TRIP12: variants seen among roughly 807,000 people sequenced by gnomAD.
TRIP12 encodes the protein E3 ubiquitin-protein ligase TRIP12.
Under a neutral mutation model 244.2 loss-of-function variants are expected in TRIP12, and 25 were observed. The observed-to-expected ratio is 0.10, with a 90% CI of 0.07 to 0.14. TRIP12 has a LOEUF of 0.14. TRIP12 is among the 10% of genes least tolerant of loss of function. The pLI, the probability that TRIP12 is intolerant of heterozygous loss-of-function variation, is 1.00. For missense variants in TRIP12, 1,677 were observed against 2,486.4 expected (o/e 0.67, Z 6.92); for synonymous variants, 905 against 873.1 (o/e 1.04, Z -0.64).
chr2:229,803,314 A>C (rs1160392379), intron 20 of TRIP12, among the ~76,000 whole-genome samples: 1 of 152,308 alleles, frequency 6.6e-6, no homozygotes, highest in East Asian at 1.9e-4. Context: ...GGGTTTCACC[A>C]TGTTGGCCAG....
chr2:229,910,772 T>C (rs1228100970), intron 1 of TRIP12, among the ~76,000 whole-genome samples: 10 of 152,080 alleles, frequency 6.6e-5, no homozygotes, highest in Admixed American at 5.9e-4. Flanking sequence ...GGATGAAGAG[T>C]AGAGTAAAAA....
chr2:229,915,097 C>CA (rs2075120008), intron 1 of TRIP12, among the ~76,000 whole-genome samples: 1 of 151,948 alleles, frequency 6.6e-6, no homozygotes, highest in African/African-American at 2.4e-5. Flanking sequence ...ACTAAAAATA[C>CA]AAAAAATTAG....
intron 8 of TRIP12, among the ~76,000 whole-genome samples, chr2:229,828,317 T>C (rs2052312432): frequency 6.6e-6 from 1 of 151,380 alleles, no homozygotes. Flanking sequence ...TCAATACCCT[T>C]AGGGACCCCC....
At chr2:229,906,097 G>C (rs1015772436) in intron 1 of TRIP12, among the ~76,000 whole-genome samples, 1 of 152,214 alleles carries the variant, frequency 6.6e-6, no homozygotes, top group East Asian at 1.9e-4. Flanking sequence ...CTGAGGTCAG[G>C]AGTTTGAAAC....
intron 1 of TRIP12, among the ~76,000 whole-genome samples, chr2:229,904,587 G>A (rs879429722): frequency 5.3e-5 from 8 of 152,022 alleles, no homozygotes; most frequent in Admixed American, 3.9e-4. Flanking sequence ...TTAAAACAGA[G>A]GCTAGAAGGA....
intron 4 of TRIP12, among the ~76,000 whole-genome samples, chr2:229,858,221 A>G (rs2059932040): frequency 6.6e-6 from 1 of 152,080 alleles, no homozygotes; most frequent in Non-Finnish European, 1.5e-5. Context: ...AAAATTACCC[A>G]GGCATGGTGT....
intron 33 of TRIP12, among the ~76,000 whole-genome samples, chr2:229,786,509 T>C (rs2040067699): frequency 6.6e-6 from 1 of 151,184 alleles, no homozygotes; most frequent in African/African-American, 2.4e-5. Context: ...GTGATTCTCT[T>C]GCCTCAGCCT....
intron 1 of TRIP12, among the ~76,000 whole-genome samples, chr2:229,909,216 G>C (rs973569476): frequency 1.3e-5 from 2 of 152,024 alleles, no homozygotes; most frequent in Non-Finnish European, 2.9e-5. Context: ...TCTTGGCCTA[G>C]GGCCTGAAAT....
At chr2:229,869,167 T>C (rs1296080279) in intron 2 of TRIP12, among the ~76,000 whole-genome samples, 1 of 152,208 alleles carries the variant, frequency 6.6e-6, no homozygotes, top group Non-Finnish European at 1.5e-5. Flanking sequence ...TAGTATTATC[T>C]AACCCACCTT....
At chr2:229,838,934 G>C (rs1221659540) in intron 5 of TRIP12, among the ~76,000 whole-genome samples, 2 of 152,172 alleles carry the variant, frequency 1.3e-5, no homozygotes, top group African/African-American at 4.8e-5. Context: ...GCCAAGAGTA[G>C]AGATAAGAAC....
rs138248107 is a variant in TRIP12 at position 229,788,792 on chromosome 2, T to C, written c.4838+6A>G. On this transcript the variant is annotated splice_donor_region_variant and intron_variant, in intron 32 of 41. Coordinates refer to ENST00000675903, the MANE Select transcript of TRIP12 (RefSeq NM_001348323.3). ...AAGGCCACCATTACAGAAGTGATTG[T>C]CTTACCAGGTTTTTCCTAGCTCAGT... The C allele has an allele frequency of 5.1e-5, 83 of 1,611,810 alleles. No homozygotes were observed. Among genetic ancestry groups the C allele is most frequent in the Non-Finnish European group, 6.7e-5 (79 of 1,179,480 alleles).
chr2:229,831,118 C>A (rs1209476906), intron 6 of TRIP12: 1 of 714,916 alleles, frequency 1.4e-6, no homozygotes, highest in African/African-American at 1.8e-5. Context: ...TGAAACTGTT[C>A]TTTAATTAAG....
upstream of TRIP12, chr2:229,922,273 A>G (rs539160649): frequency 1.8e-3 from 939 of 534,374 alleles, 7 homozygotes; most frequent in African/African-American, 0.017. Context: ...CGCCGGGGTC[A>G]CCCCCTCCCC....
chr2:229,892,630 A>G (rs924660655), intron 1 of TRIP12, among the ~76,000 whole-genome samples: 1 of 152,284 alleles, frequency 6.6e-6, no homozygotes, highest in East Asian at 1.9e-4. Context: ...GCACTTTGGG[A>G]GGCCAAAGTG....
rs201798885 is a variant in TRIP12, at chr2:229,798,916, G to A, written c.3441C>T (p.Gly1147=). 4 of 1,614,160 alleles carry A rather than the reference G, an allele frequency of 2.5e-6. No homozygotes were observed. The highest frequency in any genetic ancestry group is 3.4e-6 in the Non-Finnish European group (4 of 1,180,032). ...IEPARTAGGS[G]LARAASKDTI... ...TATCCTTTGAGGCAGCCCTGGCAAG[G>A]CCACTACCTCCCGCAGTCCGTGCTG... Residue 1147 remains glycine, a synonymous_variant, in exon 23 of 42, where the codon GGC becomes GGT. Transcript: ENST00000675903.
At chr2:229,903,022 T>TC (rs1454993556) in intron 1 of TRIP12, among the ~76,000 whole-genome samples, 13 of 148,558 alleles carry the variant, frequency 8.8e-5, no homozygotes, top group Non-Finnish European at 1.2e-4. Flanking sequence ...TTTTTTCTTT[T>TC]TTTTTTTTTT....
At chr2:229,856,083 T>A (rs1041190632) in intron 4 of TRIP12, among the ~76,000 whole-genome samples, 55 of 152,194 alleles carry the variant, frequency 3.6e-4, no homozygotes, top group Non-Finnish European at 5.7e-4. Flanking sequence ...CCATTTTTTT[T>A]AAAAGAATAT....
chr2:229,865,853 A>C (rs1243016790), intron 2 of TRIP12, among the ~76,000 whole-genome samples: 1 of 152,198 alleles, frequency 6.6e-6, no homozygotes, highest in Non-Finnish European at 1.5e-5. Flanking sequence ...TTCTATTACA[A>C]AAAGAAGCTT....
At chr2:229,918,198 C>T (rs940561151) in intron 1 of TRIP12, among the ~76,000 whole-genome samples, 2 of 152,176 alleles carry the variant, frequency 1.3e-5, no homozygotes, top group Non-Finnish European at 2.9e-5. Context: ...TTCTTCACAT[C>T]CTTTATCTTC....
Sources: gnomAD v4.1 joint callset for allele counts (sites outside exome capture counted in the v4.1 genomes callset) on GRCh38, gnomAD v4.1.1 for gene constraint, MANE v1.5 for transcripts, NCBI Gene and HGNC (gene_info 2026-07-23, HGNC 2026-07-21) for gene names.